The following TENM2 variants were observed in gnomAD, a reference collection of about 807,000 sequenced individuals.
The protein encoded by TENM2 is teneurin transmembrane protein 2, also known as teneurin-2.
In TENM2, 52 loss-of-function variants were observed where a neutral mutation model predicts 245.2. That is an observed-to-expected ratio of 0.21 (90% CI 0.17 to 0.27). The LOEUF (loss-of-function observed/expected upper bound fraction) is 0.27. Among genes scored for constraint, TENM2 ranks in the 10% least tolerant of loss-of-function variants. The probability of loss-of-function intolerance (pLI) is 1.00; values close to 1 mark genes in which losing one functional copy is unlikely to be tolerated. For synonymous variants in TENM2, 1,363 were observed against 1,438.9 expected, an observed-to-expected ratio of 0.95 and a Z score of 1.19; for missense variants, 3,046 against 3,666.8, an observed-to-expected ratio of 0.83 and a Z score of 4.37.
chr5:167,479,330 C>T (rs2127526094), intron 2 of TENM2, among the ~76,000 whole-genome samples: 1 of 152,090 alleles, frequency 6.6e-6, no homozygotes, highest in Non-Finnish European at 1.5e-5. Flanking sequence ...TGGTCTGAAG[C>T]CAATTATATA....
At chr5:166,985,268 G>T in the TENM2 span, among the ~76,000 whole-genome samples, 1 of 152,122 alleles carries the variant, frequency 6.6e-6, no homozygotes, top group African/African-American at 2.4e-5. Context: ...CTAAGTCAAG[G>T]TTTGGCACTA....
At chr5:167,643,743 G>A (rs917929171) in intron 2 of TENM2, among the ~76,000 whole-genome samples, 12 of 152,110 alleles carry the variant, frequency 7.9e-5, no homozygotes, top group East Asian at 5.8e-4. Context: ...TAGATTATTC[G>A]AACCCTAAAT....
chr5:167,972,827 T>A (rs1781890630), intron 4 of TENM2, among the ~76,000 whole-genome samples: 1 of 152,208 alleles, frequency 6.6e-6, no homozygotes. Flanking sequence ...ATAAATACCC[T>A]AGAAATGCCA....
At chr5:167,413,721 T>G (rs1240548018) in intron 2 of TENM2, among the ~76,000 whole-genome samples, 1 of 152,138 alleles carries the variant, frequency 6.6e-6, no homozygotes, top group Non-Finnish European at 1.5e-5. Context: ...CATAAAACTT[T>G]CAGTACGTGG....
the TENM2 span, among the ~76,000 whole-genome samples, chr5:167,180,019 C>T: frequency 6.6e-6 from 1 of 151,888 alleles, no homozygotes; most frequent in Admixed American, 6.6e-5. Context: ...AAGGCTGAGT[C>T]CTGTTGGTAC....
chr5:167,582,685 T>A (rs1006743473), intron 2 of TENM2, among the ~76,000 whole-genome samples: 2 of 152,208 alleles, frequency 1.3e-5, no homozygotes, highest in Admixed American at 1.3e-4. Flanking sequence ...GCACGAACCT[T>A]TACAGAAACC....
chr5:167,872,523 A>T (rs1773017772), intron 2 of TENM2, among the ~76,000 whole-genome samples: 1 of 49,936 alleles, frequency 2.0e-5, no homozygotes, highest in Admixed American at 1.7e-4. Flanking sequence ...AAAGAAAGAA[A>T]GAAAGAAAGA....
intron 17 of TENM2, 45 bp downstream of exon 19, chr5:168,200,176 T>G (rs768335767): frequency 6.4e-7 from 1 of 1,564,780 alleles, no homozygotes; most frequent in Non-Finnish European, 8.7e-7. Flanking sequence ...GATTTAGTCA[T>G]GTGTTAATTC....
chr5:167,841,132 C>G (rs1769477438), intron 2 of TENM2, among the ~76,000 whole-genome samples: 1 of 151,776 alleles, frequency 6.6e-6, no homozygotes, highest in African/African-American at 2.4e-5. Flanking sequence ...TCTCAGCTCA[C>G]TGCAACCTCC....
intron 1 of TENM2, among the ~76,000 whole-genome samples, chr5:167,326,702 A>AATATATATATAT (rs70976411): frequency 2.1e-5 from 3 of 143,212 alleles, no homozygotes; most frequent in Admixed American, 1.4e-4. Context: ...ATAATAAATA[A>AATATATATATAT]ATATATATAT....
At chr5:167,237,663 G>T in the TENM2 span, among the ~76,000 whole-genome samples, 219 of 152,258 alleles carry the variant, frequency 1.4e-3, 2 homozygotes, top group African/African-American at 5.1e-3. Context: ...CATACAGAAT[G>T]AATGTCAGCA....
intron 2 of TENM2, among the ~76,000 whole-genome samples, chr5:167,492,490 C>T (rs923999248): frequency 6.6e-6 from 1 of 152,108 alleles, no homozygotes. Flanking sequence ...TTAAATAATA[C>T]ACAATGTTAT....
intron 1 of TENM2, among the ~76,000 whole-genome samples, chr5:167,353,500 G>GTTTTTTTTTTTTTTTTTTT (rs59240930): frequency 2.5e-5 from 2 of 79,440 alleles, no homozygotes; most frequent in Non-Finnish European, 4.2e-5. Flanking sequence ...TGTTGTTGTT[G>GTTTTTTTTTTTTTTTTTTT]TTTTTTTTTT....
chr5:167,194,872 G>A, the TENM2 span, among the ~76,000 whole-genome samples: 1 of 152,096 alleles, frequency 6.6e-6, no homozygotes, highest in East Asian at 1.9e-4. Flanking sequence ...CAGGGACACT[G>A]AGCCTTTGAT....
chr5:167,438,172 A>G (rs1764672622), intron 2 of TENM2, among the ~76,000 whole-genome samples: 1 of 152,204 alleles, frequency 6.6e-6, no homozygotes. Context: ...TAGTTTCACC[A>G]GGAAGTCTAT....
At chr5:167,659,599 A>G (rs927301726) in intron 2 of TENM2, among the ~76,000 whole-genome samples, 1 of 152,178 alleles carries the variant, frequency 6.6e-6, no homozygotes, top group Non-Finnish European at 1.5e-5. Context: ...CTTTAAAGCA[A>G]TGCTTGATAT....
chr5:167,656,658 A>G (rs1445318604), intron 2 of TENM2, among the ~76,000 whole-genome samples: 2 of 152,072 alleles, frequency 1.3e-5, no homozygotes, highest in African/African-American at 4.8e-5. Context: ...TATTGTACTT[A>G]TTAAATATAT....
chr5:167,271,159 C>T, the TENM2 span, among the ~76,000 whole-genome samples: 3 of 152,092 alleles, frequency 2.0e-5, no homozygotes, highest in Non-Finnish European at 4.4e-5. Flanking sequence ...GCTGCAGGCT[C>T]ATGGGCTTTC....
the TENM2 span, among the ~76,000 whole-genome samples, chr5:167,169,543 A>G: frequency 6.6e-6 from 1 of 152,166 alleles, no homozygotes; most frequent in East Asian, 1.9e-4. Context: ...GGGCAGTAAT[A>G]CTGTCCTCCC....
Sources: gnomAD v4.1 joint callset for allele counts (sites outside exome capture counted in the v4.1 genomes callset) on GRCh38, gnomAD v4.1.1 for gene constraint, MANE v1.5 for transcripts, NCBI Gene and HGNC (gene_info 2026-07-23, HGNC 2026-07-21) for gene names.